VAT1: variants seen among roughly 807,000 people sequenced by gnomAD.
VAT1 encodes the protein vesicle amine transport 1.
A neutral mutation model predicts 33.3 loss-of-function variants in VAT1; 24 were observed. That is an observed-to-expected ratio of 0.72 (90% CI 0.52 to 1.01). The LOEUF (loss-of-function observed/expected upper bound fraction) is 1.01. VAT1 is among the 50% of genes least tolerant of loss of function. VAT1 has a pLI of 0.00. For synonymous variants in VAT1, 212 were observed against 225.0 expected, an observed-to-expected ratio of 0.94 and a Z score of 0.52; for missense variants, 436 against 533.7, an observed-to-expected ratio of 0.82 and a Z score of 1.80.
rs778698868 is a variant in VAT1 at position 43,021,991 on chromosome 17, C to T, written c.332G>A (p.Gly111Asp). The change falls in exon 1 of 6, where the codon GGC becomes GAC. Residue 111 changes from glycine to aspartate, a missense_variant. Physicochemically the swap from Gly to Asp is moderately conservative, Grantham distance 94 (BLOSUM62 -1). Around this residue, in one of 2 missense-constraint regions of VAT1, gnomAD observed 282 missense variants for 405.4 expected, o/e 0.70. Coordinates refer to ENST00000355653, the MANE Select transcript of VAT1 (RefSeq NM_006373.4). ...GATCACAACACCCGCGCCCTCCATG[C>T]CCGGAGTGACAGGCAGAGGCGGGAG... ...DRLPPLPVTP[G>D]MEGAGVVIAV... is the part of the protein sequence containing the mutation. The T allele has an allele frequency of 5.0e-6, 8 of 1,611,026 alleles. No individual in the cohort carries two copies. Among genetic ancestry groups the T allele is most frequent in the Admixed American group, 1.7e-5 (1 of 59,962 alleles).
In VAT1 at chr17:43,022,309, C is replaced by T. The variant is rs747871012; in HGVS notation, c.14G>A (p.Arg5Lys). The T allele has an allele frequency of 1.3e-6, 2 of 1,582,864 alleles. No homozygotes were observed. The highest frequency in any genetic ancestry group is 1.3e-5 in the African/African-American group (1 of 74,198). Residue 5 changes from arginine (R) to lysine (K), a missense_variant, in exon 1 of 6, where the codon AGA (arginine) becomes AAA (lysine). Around this residue, in one of 2 missense-constraint regions of VAT1, gnomAD observed 154 missense variants for 128.3 expected, o/e 1.20. Transcript: ENST00000355653. ...CCCGGTCGCTGCCTCGGCTACCTCTCTCTCGTCGGACATGGCTGGGACTCC... is the reference window on the plus strand; with the variant it reads ...CCCGGTCGCTGCCTCGGCTACCTCTTTCTCGTCGGACATGGCTGGGACTCC... MSDE[R>K]EVAEAATGED...
At chr17:43,016,855 T>C (rs760228533) in intron 4 of VAT1, among the ~76,000 whole-genome samples, 1 of 151,370 alleles carries the variant, frequency 6.6e-6, no homozygotes, top group Non-Finnish European at 1.5e-5. Flanking sequence ...TTGTCTCTAC[T>C]AAAAAATACG....
At chr17:43,019,736 C>A (rs1043351564) in intron 1 of VAT1, among the ~76,000 whole-genome samples, 1 of 152,002 alleles carries the variant, frequency 6.6e-6, no homozygotes, top group Non-Finnish European at 1.5e-5. Context: ...AAGGAGGGAG[C>A]GTCAGGAGAA....
At chr17:43,021,250 A>G (rs745775320) in intron 1 of VAT1, among the ~76,000 whole-genome samples, 17 of 152,206 alleles carry the variant, frequency 1.1e-4, no homozygotes, top group Non-Finnish European at 2.2e-4. Flanking sequence ...TACTGCAGTC[A>G]CGGGAGACAC....
Position 43,015,803 on chromosome 17 carries a change from G to A in VAT1, c.*258C>T. The A allele has an allele frequency of 1.8e-6, 1 of 555,828 alleles. No individual in the cohort carries two copies. Among genetic ancestry groups the A allele is most frequent in the Non-Finnish European group, 3.2e-6 (1 of 311,294 alleles). 34.4% of individuals were successfully genotyped at this position (555,828 alleles called of 1,614,324 possible). On this transcript the variant is annotated 3_prime_UTR_variant, in exon 6 of 6. Transcript: ENST00000355653. ...CACAGCAGGCCCGGGGAAAGGGTGG[G>A]GGCAGGAAGCAGCCGGCCTCCCTCT...
chr17:43,017,433 A>T (rs1199160445), intron 4 of VAT1, among the ~76,000 whole-genome samples: 2 of 151,592 alleles, frequency 1.3e-5, no homozygotes, highest in East Asian at 3.9e-4. Flanking sequence ...AAATACAAAA[A>T]TTAGTTGGGC....
At chr17:43,021,828 G>A (rs533051441) in intron 1 of VAT1, 108 bp downstream of exon 1, 1 of 1,498,192 alleles carries the variant, frequency 6.7e-7, no homozygotes, top group Non-Finnish European at 8.9e-7. Context: ...CGTGCACCCA[G>A]GTCCGCGCCA....
At chr17:43,018,010 A>ACCCCCTC in intron 3 of VAT1, 26 bp downstream of exon 3, 1 of 1,574,686 alleles carries the variant, frequency 6.4e-7, no homozygotes, top group Non-Finnish European at 8.7e-7. Context: ...GTGCCTCCCT[A>ACCCCCTC]CCCCCTCCCA....
chr17:43,018,173 C>T lies in VAT1; in HGVS notation c.629G>A (p.Arg210His), dbSNP rs549114303. 117 of 1,613,380 alleles carry T rather than the reference C, an allele frequency of 7.3e-5. No individual in the cohort carries two copies. The highest frequency in any genetic ancestry group is 4.0e-4 in the South Asian group (36 of 91,068). ...GAACACTGTCACATTCTCCACTGTA[C>T]GGCACAGCTGCACGGCAGCCATACC... ...GVGMAAVQLC[R>H]TVENVTVFGT... Residue 210 changes from arginine (R) to histidine (H), a missense_variant, in exon 3 of 6, where the codon CGT becomes CAT. This residue lies in a region of VAT1 where 282 missense variants were observed against 405.4 expected (regional missense o/e 0.70). Coordinates refer to ENST00000355653, the MANE Select transcript of VAT1 (RefSeq NM_006373.4).
At position 43,015,522 on chromosome 17, in the gene VAT1, G is replaced by A. The variant is rs1396670479; in HGVS notation, c.*539C>T. On this transcript the variant is annotated 3_prime_UTR_variant, in exon 6 of 6. Coordinates refer to ENST00000355653, the MANE Select transcript of VAT1 (RefSeq NM_006373.4). ...ACCTGGAGATGGAAGAAGCCCAATT[G>A]TGCTTAAGAAGTTGGGGACAGAGGA... is the stretch of plus-strand genomic sequence containing the variant. 6.3e-6 allele frequency: 1 copy of A among 158,266 alleles called. No individual in the cohort carries two copies. The allele number at this position is 158,266 out of a possible 1,614,324, so 9.8% of individuals were successfully genotyped here. A position where few individuals can be genotyped will look rare whatever the true frequency, so the allele number is the denominator to read the frequency against.
chr17:43,019,214 T>C (rs1203865087), intron 1 of VAT1, among the ~76,000 whole-genome samples: 2 of 152,180 alleles, frequency 1.3e-5, no homozygotes, highest in Non-Finnish European at 2.9e-5. Flanking sequence ...GTTTACTGAC[T>C]GTGTGACTTC....
chr17:43,018,570 A>C lies in VAT1; in HGVS notation c.595+22T>G, dbSNP rs377626487. 2.5e-6 allele frequency: 4 copies of C among 1,612,156 alleles called. No homozygotes were observed. In the African/African-American group the frequency reaches 4.0e-5, roughly 16 times the overall value. On this transcript the variant is annotated intron_variant, in intron 2 of 5. Coordinates refer to ENST00000355653, the MANE Select transcript of VAT1 (RefSeq NM_006373.4). ...GGAAATCTGGGTGGGGTAAGGGGTG[A>C]TAAAGTGAGGGGACCTGTCACCTGC...
Position 43,022,316 on chromosome 17 carries a change from C to T in VAT1, c.7G>A (p.Asp3Asn). Residue 3 changes from aspartate (D) to asparagine (N), a missense_variant, in exon 1 of 6, where the codon GAC becomes AAC. Around this residue, in one of 2 missense-constraint regions of VAT1, gnomAD observed 154 missense variants for 128.3 expected, o/e 1.20. Transcript: ENST00000355653. The part of the protein sequence containing the change: MS[D>N]EREVAEAATG... ...GCTGCCTCGGCTACCTCTCTCTCGT[C>T]GGACATGGCTGGGACTCCCGACGAG... 2 of 1,579,538 alleles carry T rather than the reference C, an allele frequency of 1.3e-6. No homozygotes were observed. The highest frequency in any genetic ancestry group is 8.6e-7 in the Non-Finnish European group (1 of 1,165,568).
intron 1 of VAT1, among the ~76,000 whole-genome samples, chr17:43,021,455 ACT>A (rs1039737515): frequency 6.6e-6 from 1 of 151,832 alleles, no homozygotes; most frequent in African/African-American, 2.4e-5. Flanking sequence ...TGTGACCAGG[ACT>A]CTGGCACGGC....
chr17:43,018,344 T>A, intron 2 of VAT1, 138 bp from the exon 3 acceptor site: 1 of 1,130,512 alleles, frequency 8.8e-7, no homozygotes, highest in African/African-American at 1.6e-5. Flanking sequence ...TTTCCATGAC[T>A]GAGAAGTGGT....
rs1294109176 is a variant in VAT1, at chr17:43,022,066, C to T, written c.257G>A (p.Cys86Tyr). 1.2e-6 allele frequency: 2 copies of T among 1,601,672 alleles called. No homozygotes were observed. The highest frequency in any genetic ancestry group is 2.7e-5 in the African/African-American group (2 of 74,790). Residue 86 changes from cysteine (C) to tyrosine (Y), a missense_variant, in exon 1 of 6, where the codon TGC (cysteine) becomes TAC (tyrosine). By Grantham distance (194) the Cys-to-Tyr change is radical (BLOSUM62 -2). Transcript: ENST00000355653. ...CATGAGGTCTGCGAAGTTGAGCCCG[C>T]AGGCCCGCAGACGCAGCGTCAGCTG... is the stretch of plus-strand genomic sequence containing the variant. ...PGQLTLRLRA[C>Y]GLNFADLMAR...
Position 43,018,800 on chromosome 17 carries a change from C to G in VAT1, c.388-1G>C. On this transcript the variant is annotated splice_acceptor_variant, in intron 1 of 5. Transcript: ENST00000355653. LOFTEE classifies it high-confidence loss of function. ...TCAACACCATCACCCGGTCTCCTGCCTTGAAGAACAGAAGAGTATCATTCA... is the reference window on the plus strand; with the variant it reads ...TCAACACCATCACCCGGTCTCCTGCGTTGAAGAACAGAAGAGTATCATTCA... 6.2e-7 allele frequency: 1 copy of G among 1,614,188 alleles called. No individual in the cohort carries two copies. Among genetic ancestry groups the G allele is most frequent in the South Asian group, 1.1e-5 (1 of 91,086 alleles).
At position 43,015,543 on chromosome 17, in the gene VAT1, G is replaced by A. The variant is rs1196224469; in HGVS notation, c.*518C>T. ...AATTGTGCTTAAGAAGTTGGGGACAGAGGACGAGATTGGGAACTGGTCAAG... is the reference window on the plus strand; with the variant it reads ...AATTGTGCTTAAGAAGTTGGGGACAAAGGACGAGATTGGGAACTGGTCAAG... On this transcript the variant is annotated 3_prime_UTR_variant, in exon 6 of 6. Coordinates refer to ENST00000355653, the MANE Select transcript of VAT1 (RefSeq NM_006373.4). The A allele has an allele frequency of 1.9e-5, 3 of 160,252 alleles. No individual in the cohort carries two copies. The highest frequency in any genetic ancestry group is 4.1e-5 in the Non-Finnish European group (3 of 72,398). The allele number at this position is 160,252 out of a possible 1,614,324, so 9.9% of individuals were successfully genotyped here. A position where few individuals can be genotyped will look rare whatever the true frequency, so the allele number is the denominator to read the frequency against.
In VAT1 at chr17:43,022,050, T is replaced by C. The variant is rs1306067625; in HGVS notation, c.273A>G (p.Ala91=). The change falls in exon 1 of 6, where the codon GCA becomes GCG. Residue 91 remains alanine, a synonymous_variant. Transcript: ENST00000355653. ...LRLRACGLNF[A]DLMARQGLYD... ...ACAGCCCCTGCCTAGCCATGAGGTC[T>C]GCGAAGTTGAGCCCGCAGGCCCGCA... The C allele has an allele frequency of 1.9e-6, 3 of 1,606,916 alleles. No homozygotes were observed. Among genetic ancestry groups the C allele is most frequent in the Non-Finnish European group, 1.7e-6 (2 of 1,178,000 alleles).
Sources: allele counts gnomAD v4.1 joint callset (sites outside exome capture counted in the v4.1 genomes callset), GRCh38; gene constraint gnomAD v4.1.1; regional missense constraint gnomAD v4.1.1; transcripts MANE v1.5; gene names NCBI Gene and HGNC (gene_info 2026-07-23, HGNC 2026-07-21).